FER: variants seen among roughly 807,000 people sequenced by gnomAD.
FER encodes the protein FER tyrosine kinase.
Under a neutral mutation model 111.0 loss-of-function variants are expected in FER, and 63 were observed. That is an observed-to-expected ratio of 0.57 (90% CI 0.46 to 0.70). FER has a LOEUF of 0.70. FER is among the 30% of genes least tolerant of loss of function. The probability of loss-of-function intolerance (pLI) is 0.00; values close to 1 mark genes in which losing one functional copy is unlikely to be tolerated. For missense variants in FER, 914 were observed against 954.0 expected (o/e 0.96, Z 0.55); for synonymous variants, 327 against 313.9 (o/e 1.04, Z -0.44).
chr5:108,873,178 T>C (rs1764766468), intron 8 of FER, among the ~76,000 whole-genome samples: 1 of 152,152 alleles, frequency 6.6e-6, no homozygotes, highest in African/African-American at 2.4e-5. Context: ...GAGGTCTCAC[T>C]TTGTGGCCCA....
In FER at chr5:109,100,476, G is replaced by A. The variant is rs755617134; in HGVS notation, c.2005G>A (p.Ala669Thr). 4.3e-6 allele frequency: 7 copies of A among 1,611,426 alleles called. No homozygotes were observed. The highest frequency in any genetic ancestry group is 2.2e-5 in the South Asian group (2 of 90,986). ...KQLVKFSLDA[A>T]AGMLYLESKN... The stretch of plus-strand genomic sequence containing the variant: ...GTTAGTGAAATTTTCATTAGACGCT[G>A]CTGCTGGTATGTTGTATCTCGAGAG... The change falls in exon 17 of 20, where the codon GCT (alanine) becomes ACT (threonine). Residue 669 changes from alanine (A) to threonine (T), a missense_variant. Transcript: ENST00000281092.
intron 16 of FER, among the ~76,000 whole-genome samples, chr5:109,061,003 A>T (rs903390257): frequency 1.3e-5 from 2 of 152,128 alleles, no homozygotes; most frequent in African/African-American, 4.8e-5. Flanking sequence ...ACTCTATTCT[A>T]ACCTGATACT....
chr5:108,753,627 C>G (rs1387864411), intron 1 of FER, among the ~76,000 whole-genome samples: 1 of 152,176 alleles, frequency 6.6e-6, no homozygotes, highest in East Asian at 1.9e-4. Context: ...AAAATTTAAA[C>G]TTCATTTTTA....
chr5:108,954,799 G>C lies in FER; in HGVS notation c.1400G>C (p.Arg467Thr). ...GACTGGTACCATGGTGCAATTCCCAGAATAGAAGCTCAAGAACTGTTAAAA... is the reference window on the plus strand; with the variant it reads ...GACTGGTACCATGGTGCAATTCCCACAATAGAAGCTCAAGAACTGTTAAAA... The part of the protein sequence containing the change: ...EQDWYHGAIP[R>T]IEAQELLKKQ... Residue 467 changes from arginine (R) to threonine (T), a missense_variant, in exon 12 of 20, where the codon AGA (arginine) becomes ACA (threonine). Physicochemically the swap from Arg to Thr is moderately conservative, Grantham distance 71 (BLOSUM62 -1). Coordinates refer to ENST00000281092, the MANE Select transcript of FER (RefSeq NM_005246.4). The C allele has an allele frequency of 6.2e-7, 1 of 1,612,184 alleles. No individual in the cohort carries two copies. Among genetic ancestry groups the C allele is most frequent in the Non-Finnish European group, 8.5e-7 (1 of 1,179,068 alleles).
intron 13 of FER, among the ~76,000 whole-genome samples, chr5:109,029,343 C>T (rs1316570771): frequency 6.7e-6 from 1 of 149,872 alleles, no homozygotes; most frequent in African/African-American, 2.5e-5. Context: ...GTGTGCTGCA[C>T]CCACTAACTC....
chr5:108,878,186 C>T (rs537751526), intron 8 of FER, among the ~76,000 whole-genome samples: 84 of 152,158 alleles, frequency 5.5e-4, no homozygotes, highest in African/African-American at 2.0e-3. Flanking sequence ...CGATTACATT[C>T]GGGAGCCAAC....
intron 10 of FER, among the ~76,000 whole-genome samples, chr5:108,927,441 T>C (rs1753938138): frequency 6.6e-6 from 1 of 151,936 alleles, no homozygotes. Context: ...TTTGTATTTT[T>C]AGTAGAGACG....
At chr5:109,004,263 C>T (rs998178094) in intron 13 of FER, among the ~76,000 whole-genome samples, 6 of 152,130 alleles carry the variant, frequency 3.9e-5, no homozygotes, top group African/African-American at 1.4e-4. Context: ...TCAGCCTCCA[C>T]GTGGCCTGTG....
chr5:108,929,404 C>G (rs573569493), intron 10 of FER, among the ~76,000 whole-genome samples: 2 of 152,254 alleles, frequency 1.3e-5, no homozygotes, highest in East Asian at 3.9e-4. Context: ...AAGTCAATTC[C>G]TATCTCACCA....
At chr5:108,923,099 G>A (rs908019630) in intron 10 of FER, among the ~76,000 whole-genome samples, 6 of 152,044 alleles carry the variant, frequency 3.9e-5, no homozygotes, top group African/African-American at 1.2e-4. Context: ...GTTAATGTGG[G>A]GAGTTAAATG....
At chr5:109,186,488 C>T (rs1009522870) in intron 19 of FER, among the ~76,000 whole-genome samples, 166 bp downstream of exon 19, 1 of 152,072 alleles carries the variant, frequency 6.6e-6, no homozygotes, top group Non-Finnish European at 1.5e-5. Context: ...GCTCTTTATC[C>T]AAACACTTTG....
chr5:109,169,475 G>T (rs1388948750), intron 17 of FER, among the ~76,000 whole-genome samples: 1 of 152,036 alleles, frequency 6.6e-6, no homozygotes, highest in Non-Finnish European at 1.5e-5. Flanking sequence ...AGTCACCTGG[G>T]ATATTACTTC....
intron 2 of FER, among the ~76,000 whole-genome samples, chr5:108,788,340 C>T (rs114601005): frequency 2.0e-4 from 30 of 152,280 alleles, no homozygotes; most frequent in African/African-American, 7.2e-4. Flanking sequence ...TCACACACCC[C>T]TTGCTGCTCC....
At chr5:109,112,120 C>T (rs1488960965) in intron 17 of FER, among the ~76,000 whole-genome samples, 1 of 151,382 alleles carries the variant, frequency 6.6e-6, no homozygotes, top group Non-Finnish European at 1.5e-5. Context: ...ATAATGTTAA[C>T]CTACCTCACA....
intron 13 of FER, among the ~76,000 whole-genome samples, chr5:109,010,365 G>T (rs1426483249): frequency 1.3e-5 from 2 of 152,078 alleles, no homozygotes; most frequent in African/African-American, 2.4e-5. Context: ...GACCGTGTTA[G>T]CCAGGATGGT....
chr5:109,011,397 C>T (rs1355271351), intron 13 of FER, among the ~76,000 whole-genome samples: 1 of 152,084 alleles, frequency 6.6e-6, no homozygotes, highest in Non-Finnish European at 1.5e-5. Context: ...AGATAAGGTA[C>T]TTTCTGGTTT....
At chr5:109,061,828 A>G (rs1561844599) in intron 16 of FER, among the ~76,000 whole-genome samples, 2 of 152,206 alleles carry the variant, frequency 1.3e-5, no homozygotes, top group East Asian at 3.8e-4. Flanking sequence ...ATCATTTCTA[A>G]AATGTATTAT....
At chr5:108,919,552 G>A (rs556027031) in intron 10 of FER, among the ~76,000 whole-genome samples, 1 of 152,030 alleles carries the variant, frequency 6.6e-6, no homozygotes, top group African/African-American at 2.4e-5. Context: ...CTTACTAAAA[G>A]AACTAATCCT....
At chr5:109,034,173 A>C (rs558169485) in intron 13 of FER, among the ~76,000 whole-genome samples, 1 of 152,232 alleles carries the variant, frequency 6.6e-6, no homozygotes, top group East Asian at 1.9e-4. Context: ...CTGCTGACCA[A>C]CATTCTGTTC....
Sources: allele counts gnomAD v4.1 joint callset (sites outside exome capture counted in the v4.1 genomes callset), GRCh38; gene constraint gnomAD v4.1.1; transcripts MANE v1.5; gene names NCBI Gene and HGNC (gene_info 2026-07-23, HGNC 2026-07-21).